The following CYP7A1 variants were observed in gnomAD, a reference collection of about 807,000 sequenced individuals.
CYP7A1 encodes cytochrome P450 family 7 subfamily A member 1.
A neutral mutation model predicts 43.8 loss-of-function variants in CYP7A1; 28 were observed. That is an observed-to-expected ratio of 0.64 (90% CI 0.47 to 0.88). The LOEUF is 0.88. CYP7A1 is among the 40% of genes least tolerant of loss of function. CYP7A1 has a pLI of 0.00. For missense variants in CYP7A1, 637 were observed against 611.9 expected, an observed-to-expected ratio of 1.04 and a Z score of -0.43; for synonymous variants, 227 against 222.5, an observed-to-expected ratio of 1.02 and a Z score of -0.18.
Position 58,496,640 on chromosome 8 carries a change from A to C in CYP7A1, c.872T>G (p.Ile291Ser). 6.2e-7 allele frequency: 1 copy of C among 1,614,190 alleles called. No homozygotes were observed. ...AAATAAACTCCAGAAAGTCGCTGGA[A>C]TGGTGTTTGCTTGCGATGCCCAGAG... The part of the protein sequence containing the change: ...VVLWASQANT[I>S]PATFWSLFQM... Residue 291 changes from isoleucine to serine, a missense_variant, in exon 3 of 6, where the codon ATT becomes AGT. Physicochemically the swap from Ile to Ser is moderately radical, Grantham distance 142. Coordinates refer to ENST00000301645, the MANE Select transcript of CYP7A1 (RefSeq NM_000780.4).
At position 58,497,021 on chromosome 8, in the gene CYP7A1, G is replaced by T. The variant is rs1351261361; in HGVS notation, c.491C>A (p.Ala164Asp). The T allele has an allele frequency of 1.9e-6, 3 of 1,611,758 alleles. No individual in the cohort carries two copies. The highest frequency in any genetic ancestry group is 2.5e-6 in the Non-Finnish European group (3 of 1,180,032). ...ATACATCCCTTCTGTCACCCAGGCA[G>T]CGGTCTTTGAGTTAGAGGAGACTGG... ...RPPVSSNSKT[A>D]AWVTEGMYSF... The change falls in exon 3 of 6, where the codon GCT becomes GAT. Residue 164 changes from alanine (A) to aspartate (D), a missense_variant. By Grantham distance (126) the Ala-to-Asp change is moderately radical. Transcript: ENST00000301645.
chr8:58,495,180 T>C (rs1185944633), intron 3 of CYP7A1, among the ~76,000 whole-genome samples: 1 of 149,610 alleles, frequency 6.7e-6, no homozygotes, highest in Non-Finnish European at 1.5e-5. Context: ...CTTTGCTACA[T>C]AAAAGTTAAA....
rs1311386037 is a variant in CYP7A1 at position 58,491,509 on chromosome 8, T to A, written c.1481A>T (p.Asp494Val). 6.2e-7 allele frequency: 1 copy of A among 1,614,188 alleles called. No homozygotes were observed. The highest frequency in any genetic ancestry group is 1.1e-5 in the South Asian group (1 of 91,084). The change falls in exon 6 of 6, where the codon GAT (aspartate) becomes GTT (valine). Residue 494 changes from aspartate to valine, a missense_variant. Transcript: ENST00000301645. ...CTTGAATTTATATTTAAATTCAATA[T>A]CATTCAATGGCGGCAAAATGCCCAA... ...AGLGILPPLNDIEFKYKFKHL is the reference protein window; with the variant it reads ...AGLGILPPLNVIEFKYKFKHL
chr8:58,498,484 T>C lies in CYP7A1; in HGVS notation c.81-15A>G. 1 of 1,613,878 alleles carries C rather than the reference T, an allele frequency of 6.2e-7. No homozygotes were observed. The highest frequency in any genetic ancestry group is 8.5e-7 in the Non-Finnish European group (1 of 1,179,858). On this transcript the variant is annotated splice_polypyrimidine_tract_variant and intron_variant, in intron 1 of 5. Coordinates refer to ENST00000301645, the MANE Select transcript of CYP7A1 (RefSeq NM_000780.4). ...CACCCGTTTGCCTGTCAGACACAAG[T>C]GTATGATAGACATGGATGATTACAG...
chr8:58,492,318 A>C (rs769980711), intron 5 of CYP7A1, 35 bp downstream of exon 5: 1 of 1,522,644 alleles, frequency 6.6e-7, no homozygotes, highest in South Asian at 1.1e-5. Flanking sequence ...GGTAGCTATC[A>C]CCTGGATATT....
intron 4 of CYP7A1, among the ~76,000 whole-genome samples, chr8:58,492,786 C>A (rs1222784207): frequency 6.6e-6 from 1 of 152,066 alleles, no homozygotes; most frequent in African/African-American, 2.4e-5. Flanking sequence ...TTCTTTTTAG[C>A]CAGGGTCTCA....
intron 3 of CYP7A1, among the ~76,000 whole-genome samples, chr8:58,495,870 T>C (rs1347884590): frequency 6.6e-6 from 1 of 152,228 alleles, no homozygotes; most frequent in Admixed American, 6.5e-5. Flanking sequence ...TTCCCAATCC[T>C]ATGGAGGAGC....
rs1389461227 is a variant in CYP7A1 at position 58,496,850 on chromosome 8, G to C, written c.662C>G (p.Ala221Gly). The C allele has an allele frequency of 6.2e-7, 1 of 1,614,192 alleles. No individual in the cohort carries two copies. The highest frequency in any genetic ancestry group is 1.1e-5 in the South Asian group (1 of 91,084). The change falls in exon 3 of 6, where the codon GCA becomes GGA. Residue 221 changes from alanine (A) to glycine (G), a missense_variant. Ala to Gly is a moderately conservative substitution (Grantham distance 60). Coordinates refer to ENST00000301645, the MANE Select transcript of CYP7A1 (RefSeq NM_000780.4). ...QFDKVFPALVAGLPIHMFRTA... is the reference protein window; with the variant it reads ...QFDKVFPALVGGLPIHMFRTA... ...CCTGAACATGTGAATGGGGAGGCCT[G>C]CTACCAGGGCTGGAAAGACTTTGTC...
In CYP7A1 at chr8:58,497,086, C is replaced by G; in HGVS notation, c.426G>C (p.Thr142=). 1 of 1,601,528 alleles carries G rather than the reference C, an allele frequency of 6.2e-7. No individual in the cohort carries two copies. Among genetic ancestry groups the G allele is most frequent in the Non-Finnish European group, 8.5e-7 (1 of 1,179,898 alleles). The change falls in exon 3 of 6, where the codon ACG becomes ACC. Residue 142 remains threonine, a synonymous_variant. Transcript: ENST00000301645. The stretch of plus-strand genomic sequence containing the variant: ...GTTGGAGGTTTTCCATCATGCTTTC[C>G]GTGAGGGAATTCAAGGCATGGCCCT... The part of the protein sequence containing the change: ...TLQGHALNSL[T]ESMMENLQRI...
At chr8:58,492,271 A>G (rs1809362750) in intron 5 of CYP7A1, 82 bp downstream of exon 5, 1 of 1,175,588 alleles carries the variant, frequency 8.5e-7, no homozygotes, top group South Asian at 1.2e-5. Flanking sequence ...GATAAAATCA[A>G]TTCTACCATT....
Position 58,491,217 on chromosome 8 carries a change from G to T in CYP7A1, c.*258C>A. The stretch of plus-strand genomic sequence containing the variant: ...AATAAACTTCAATCCCTGGCTATAT[G>T]AACATTCATGGACTTATACAAATGA... On this transcript the variant is annotated 3_prime_UTR_variant, in exon 6 of 6. Transcript: ENST00000301645. The T allele has an allele frequency of 2.2e-6, 1 of 453,380 alleles. No individual in the cohort carries two copies. The highest frequency in any genetic ancestry group is 3.9e-6 in the Non-Finnish European group (1 of 255,368). The allele number at this position is 453,380 out of a possible 1,614,324, so 28.1% of individuals were successfully genotyped here. A position where few individuals can be genotyped will look rare whatever the true frequency, so the allele number is the denominator to read the frequency against.
rs528066345 is a variant in CYP7A1, at chr8:58,500,074, C to T, written c.25G>A (p.Gly9Arg). The change falls in exon 1 of 6, where the codon GGG becomes AGG. Residue 9 changes from glycine (G) to arginine (R), a missense_variant. Gly to Arg is a moderately radical substitution (Grantham distance 125). Transcript: ENST00000301645. MMTTSLIW[G>R]IAIAACCCLW... ...CAACAGCATGCTGCTATAGCAATCC[C>T]CCAAATCAAAGATGTGGTCATCATT... The T allele has an allele frequency of 9.3e-6, 15 of 1,612,980 alleles. No individual in the cohort carries two copies. In the Admixed American group the frequency reaches 1.2e-4, roughly 13 times the overall value.
At position 58,491,623 on chromosome 8, in the gene CYP7A1, T is replaced by G; in HGVS notation, c.1367A>C (p.Gln456Pro). ...ATAAGAAAGCATCAGAATCAAAAAT[T>G]GCTTGATTTCGTGGATAGCGAACAA... is the stretch of plus-strand genomic sequence containing the variant. ...GRLFAIHEIKQFLILMLSYFE... is the reference protein window; with the variant it reads ...GRLFAIHEIKPFLILMLSYFE... The change falls in exon 6 of 6, where the codon CAA (glutamine) becomes CCA (proline). Residue 456 changes from glutamine (Q) to proline (P), a missense_variant. By Grantham distance (76) the Gln-to-Pro change is moderately conservative (BLOSUM62 -1). Coordinates refer to ENST00000301645, the MANE Select transcript of CYP7A1 (RefSeq NM_000780.4). 6.2e-7 allele frequency: 1 copy of G among 1,614,214 alleles called. No individual in the cohort carries two copies. The highest frequency in any genetic ancestry group is 8.5e-7 in the Non-Finnish European group (1 of 1,180,034).
At position 58,492,479 on chromosome 8, in the gene CYP7A1, G is replaced by A; in HGVS notation, c.1089C>T (p.Ile363=). The A allele has an allele frequency of 6.2e-7, 1 of 1,614,036 alleles. No individual in the cohort carries two copies. The highest frequency in any genetic ancestry group is 8.5e-7 in the Non-Finnish European group (1 of 1,179,938). The change falls in exon 5 of 6, where the codon ATC becomes ATT. Residue 363 remains isoleucine (I), a synonymous_variant. Transcript: ENST00000301645. ...AAGTGAAATCCTCCTTAGCTGTCCG[G>A]ATGTTGAGGGAGGCACTGGAAAGCC... ...SLRLSSASLN[I]RTAKEDFTLH...
intron 1 of CYP7A1, among the ~76,000 whole-genome samples, chr8:58,498,994 GAGA>G (rs1324327669): frequency 1.3e-5 from 2 of 152,196 alleles, no homozygotes; most frequent in Non-Finnish European, 2.9e-5. Flanking sequence ...GATGGTTTCA[GAGA>G]AGAAGAATCT....
At chr8:58,499,601 G>A (rs1252831509) in intron 1 of CYP7A1, among the ~76,000 whole-genome samples, 1 of 152,172 alleles carries the variant, frequency 6.6e-6, no homozygotes, top group Non-Finnish European at 1.5e-5. Flanking sequence ...GAGCTTAAAA[G>A]AGAACATTTA....
chr8:58,491,345 T>C lies in CYP7A1; in HGVS notation c.*130A>G. On this transcript the variant is annotated 3_prime_UTR_variant, in exon 6 of 6. Transcript: ENST00000301645. ...AATGTTAAGATTCACAAGCAAGCAC[T>C]GGTGAACAACATTGGACCTGGTGAA... 3 of 867,384 alleles carry C rather than the reference T, an allele frequency of 3.5e-6. No homozygotes were observed. Among genetic ancestry groups the C allele is most frequent in the Non-Finnish European group, 5.5e-6 (3 of 545,196 alleles). The allele number at this position is 867,384 out of a possible 1,614,324, so 53.7% of individuals were successfully genotyped here. A position where few individuals can be genotyped will look rare whatever the true frequency, so the allele number is the denominator to read the frequency against.
chr8:58,492,403 G>A lies in CYP7A1; in HGVS notation c.1165C>T (p.Leu389Phe). 1 of 1,614,100 alleles carries A rather than the reference G, an allele frequency of 6.2e-7. No homozygotes were observed. The highest frequency in any genetic ancestry group is 1.1e-5 in the South Asian group (1 of 91,080). Residue 389 changes from leucine (L) to phenylalanine (F), a missense_variant, in exon 5 of 6, where the codon CTT (leucine) becomes TTT (phenylalanine). Leu to Phe is a conservative substitution (Grantham distance 22). Coordinates refer to ENST00000301645, the MANE Select transcript of CYP7A1 (RefSeq NM_000780.4). ...YNIRKDDIIA[L>F]YPQLMHLDPE... is the part of the protein sequence containing the mutation. ...TCTAAGTGCATTAACTGTGGGTAAA[G>A]AGCTATGATGTCATCTTTTCGGATG...
At position 58,496,863 on chromosome 8, in the gene CYP7A1, G is replaced by C; in HGVS notation, c.649C>G (p.Pro217Ala). 6.2e-7 allele frequency: 1 copy of C among 1,614,242 alleles called. No homozygotes were observed. Among genetic ancestry groups the C allele is most frequent in the South Asian group, 1.1e-5 (1 of 91,088 alleles). ...ATGGGGAGGCCTGCTACCAGGGCTGGAAAGACTTTGTCGAATTGCTTGAAG... is the reference window on the plus strand; with the variant it reads ...ATGGGGAGGCCTGCTACCAGGGCTGCAAAGACTTTGTCGAATTGCTTGAAG... ...DNFKQFDKVF[P>A]ALVAGLPIHM... The change falls in exon 3 of 6, where the codon CCA (proline) becomes GCA (alanine). Residue 217 changes from proline (P) to alanine (A), a missense_variant. By Grantham distance (27) the Pro-to-Ala change is conservative. Transcript: ENST00000301645.
Sources: allele counts gnomAD v4.1 joint callset (sites outside exome capture counted in the v4.1 genomes callset), GRCh38; gene constraint gnomAD v4.1.1; transcripts MANE v1.5; gene names NCBI Gene and HGNC (gene_info 2026-07-23, HGNC 2026-07-21).